Variants in LSAMP observed in about 807,000 individuals in gnomAD.
LSAMP encodes the protein limbic system-associated membrane protein.
A neutral mutation model predicts 38.6 loss-of-function variants in LSAMP; 7 were observed. That is an observed-to-expected ratio of 0.18 (90% confidence interval 0.10 to 0.34). LSAMP has a LOEUF of 0.34. Among genes scored for constraint, LSAMP ranks in the 10% least tolerant of loss-of-function variants. The pLI is 1.00. For synonymous variants in LSAMP, 154 were observed against 166.8 expected, an observed-to-expected ratio of 0.92 and a Z score of 0.59; for missense variants, 313 against 420.0, an observed-to-expected ratio of 0.75 and a Z score of 2.23.
intron 3 of LSAMP, among the ~76,000 whole-genome samples, chr3:115,976,123 C>A (rs1011907411): frequency 6.6e-6 from 1 of 152,158 alleles, no homozygotes; most frequent in African/African-American, 2.4e-5. Flanking sequence ...CCATTTTAAT[C>A]TGTTCTATTT....
chr3:116,307,271 G>A (rs1296390876), intron 1 of LSAMP, among the ~76,000 whole-genome samples: 2 of 151,880 alleles, frequency 1.3e-5, no homozygotes, highest in Non-Finnish European at 2.9e-5. Context: ...ATAATCCAAA[G>A]TTCACCTCTA....
At chr3:116,391,126 A>G (rs1043496215) in intron 1 of LSAMP, among the ~76,000 whole-genome samples, 5 of 152,092 alleles carry the variant, frequency 3.3e-5, no homozygotes, top group Non-Finnish European at 4.4e-5. Context: ...TTGGTTATCA[A>G]TTTTTCTACT....
At chr3:116,160,056 A>G (rs961278879) in intron 1 of LSAMP, among the ~76,000 whole-genome samples, 3 of 152,146 alleles carry the variant, frequency 2.0e-5, no homozygotes, top group Non-Finnish European at 4.4e-5. Flanking sequence ...GAAGGGAACA[A>G]CAGACACTGG....
At chr3:116,004,985 T>C (rs949215538) in intron 3 of LSAMP, among the ~76,000 whole-genome samples, 2 of 152,150 alleles carry the variant, frequency 1.3e-5, no homozygotes, top group Admixed American at 1.3e-4. Flanking sequence ...GGGACCCCAA[T>C]TGACACCAGT....
intron 1 of LSAMP, among the ~76,000 whole-genome samples, chr3:116,215,420 A>G (rs1291878269): frequency 1.3e-5 from 2 of 151,368 alleles, no homozygotes; most frequent in East Asian, 3.9e-4. Context: ...TTGAGCACTC[A>G]CTGCCTTAGG....
chr3:116,303,911 C>T lies in LSAMP; in HGVS notation c.155+140966G>A, dbSNP rs573420438. Among the ~76,000 whole-genome samples the T allele has an allele frequency of 5.9e-5, 9 of 152,196 alleles. No homozygotes were observed. The South Asian group carries it at 1.9e-3, about 32-fold the overall frequency. ...AAAGCAGCCAAAAGAACTTCAGGAA[C>T]AGAATCACTTAAATAACGTGGCTGG... On this transcript the variant is annotated intron_variant, in intron 1 of 6. Transcript: ENST00000490035.
intron 3 of LSAMP, among the ~76,000 whole-genome samples, chr3:115,904,788 A>G (rs1017547776): frequency 6.6e-6 from 1 of 152,022 alleles, no homozygotes; most frequent in Admixed American, 6.6e-5. Flanking sequence ...CTCGTAATTT[A>G]CCACTTCCTA....
chr3:115,930,571 T>C (rs1036045257), intron 3 of LSAMP, among the ~76,000 whole-genome samples: 1 of 152,106 alleles, frequency 6.6e-6, no homozygotes, highest in Admixed American at 6.5e-5. Flanking sequence ...CTGAAGAAAA[T>C]CCACTCCAAC....
chr3:116,422,291 G>T (rs2049138888), intron 1 of LSAMP, among the ~76,000 whole-genome samples: 1 of 151,708 alleles, frequency 6.6e-6, no homozygotes. Flanking sequence ...ACCTCAGACT[G>T]AAAATATTGA....
chr3:116,288,084 T>G (rs1195346195), intron 1 of LSAMP, among the ~76,000 whole-genome samples: 1 of 152,222 alleles, frequency 6.6e-6, no homozygotes, highest in Non-Finnish European at 1.5e-5. Context: ...TTCTTTTCTT[T>G]GTTTTAGAGT....
intron 2 of LSAMP, among the ~76,000 whole-genome samples, chr3:116,049,924 G>T (rs9819027): frequency 0.013 from 2,038 of 152,194 alleles, 49 homozygotes; most frequent in African/African-American, 0.045. Context: ...TCCCTTCAAA[G>T]AAAAAGTAAA....
chr3:116,127,695 ATTTTT>A (rs67470158), intron 1 of LSAMP, among the ~76,000 whole-genome samples: 4 of 96,654 alleles, frequency 4.1e-5, no homozygotes, highest in Admixed American at 2.4e-4. Flanking sequence ...GTGTTTGTTC[ATTTTT>A]TTTTTTTTTT....
intron 1 of LSAMP, among the ~76,000 whole-genome samples, chr3:116,264,285 A>G (rs142155938): frequency 6.6e-6 from 1 of 152,334 alleles, no homozygotes; most frequent in East Asian, 1.9e-4. Context: ...CTTCCAGATT[A>G]CATTCTTAAT....
At chr3:116,414,384 T>C (rs1409190819) in intron 1 of LSAMP, among the ~76,000 whole-genome samples, 3 of 152,126 alleles carry the variant, frequency 2.0e-5, no homozygotes, top group African/African-American at 7.2e-5. Flanking sequence ...TCTTTCTGCA[T>C]ATCACAGTCC....
At chr3:116,319,367 G>A (rs1248418084) in intron 1 of LSAMP, among the ~76,000 whole-genome samples, 5 of 152,118 alleles carry the variant, frequency 3.3e-5, no homozygotes, top group Non-Finnish European at 5.9e-5. Context: ...TCCCCATTCA[G>A]TAGTATCTTG....
intron 2 of LSAMP, among the ~76,000 whole-genome samples, chr3:116,073,618 A>G (rs1707665157): frequency 6.6e-6 from 1 of 152,108 alleles, no homozygotes; most frequent in Admixed American, 6.5e-5. Flanking sequence ...CTCCTTGAAG[A>G]GGTCCTTCAC....
At chr3:116,081,269 C>G (rs1707865017) in intron 2 of LSAMP, among the ~76,000 whole-genome samples, 1 of 152,102 alleles carries the variant, frequency 6.6e-6, no homozygotes, top group African/African-American at 2.4e-5. Flanking sequence ...GGAGACCATC[C>G]TGGCCAACAT....
chr3:116,351,889 T>C (rs1415468482), intron 1 of LSAMP, among the ~76,000 whole-genome samples: 1 of 152,090 alleles, frequency 6.6e-6, no homozygotes, highest in African/African-American at 2.4e-5. Context: ...GGGACAAATA[T>C]CAACTAACTC....
intron 1 of LSAMP, among the ~76,000 whole-genome samples, chr3:116,311,619 C>A (rs898632347): frequency 6.6e-6 from 1 of 152,112 alleles, no homozygotes; most frequent in Non-Finnish European, 1.5e-5. Context: ...ACCGGACAAC[C>A]AGACACATCT....
Sources: gnomAD v4.1 joint callset for allele counts (sites outside exome capture counted in the v4.1 genomes callset) on GRCh38, gnomAD v4.1.1 for gene constraint, MANE v1.5 for transcripts, NCBI Gene and HGNC (gene_info 2026-07-23, HGNC 2026-07-21) for gene names.